The following GALNT13 variants were observed in gnomAD, a reference collection of about 807,000 sequenced individuals.
GALNT13 encodes UDP-GalNAc:polypeptide N-acetylgalactosaminyltransferase 13.
A neutral mutation model predicts 64.2 loss-of-function variants in GALNT13; 28 were observed. The observed-to-expected ratio is 0.44, with a 90% CI of 0.32 to 0.60. The LOEUF is 0.60. Among genes scored for constraint, GALNT13 ranks in the 20% least tolerant of loss-of-function variants. The pLI is 0.05. For synonymous variants in GALNT13, 214 were observed against 224.6 expected, an observed-to-expected ratio of 0.95 and a Z score of 0.42; for missense variants, 577 against 669.8, an observed-to-expected ratio of 0.86 and a Z score of 1.53.
the GALNT13 span, among the ~76,000 whole-genome samples, chr2:153,150,794 A>G: frequency 1.3e-5 from 2 of 151,824 alleles, no homozygotes; most frequent in Non-Finnish European, 2.9e-5. Context: ...GATATGCGGC[A>G]TTATTTCTGA....
the GALNT13 span, among the ~76,000 whole-genome samples, chr2:153,501,490 C>G: frequency 1.3e-5 from 2 of 152,068 alleles, no homozygotes; most frequent in African/African-American, 4.8e-5. Context: ...AACCACCATG[C>G]CCGGTTAATT....
intron 8 of GALNT13, chr2:154,287,080 A>T: frequency 3.6e-6 from 3 of 823,448 alleles, no homozygotes; most frequent in Non-Finnish European, 6.2e-6. Flanking sequence ...TCATCCACCC[A>T]CCTTTGGGCA....
At chr2:153,174,625 T>C in the GALNT13 span, among the ~76,000 whole-genome samples, 9,133 of 152,260 alleles carry the variant, frequency 0.06, 312 homozygotes, top group East Asian at 0.099. Flanking sequence ...TTCAGCACTT[T>C]GCTTAGAAAT....
chr2:154,132,080 G>A (rs1321896922), intron 3 of GALNT13, among the ~76,000 whole-genome samples: 2 of 152,126 alleles, frequency 1.3e-5, no homozygotes, highest in Non-Finnish European at 2.9e-5. Flanking sequence ...TGCCCACCCA[G>A]ATTGAGGGTG....
intron 3 of GALNT13, among the ~76,000 whole-genome samples, chr2:154,011,027 C>G (rs1696598975): frequency 6.6e-6 from 1 of 151,624 alleles, no homozygotes; most frequent in South Asian, 2.1e-4. Context: ...GTCTAGCAAT[C>G]TTATTTATTC....
chr2:153,899,135 A>G (rs1688067999), intron 1 of GALNT13, among the ~76,000 whole-genome samples: 1 of 152,208 alleles, frequency 6.6e-6, no homozygotes, highest in Non-Finnish European at 1.5e-5. Flanking sequence ...AACGAAATGT[A>G]TCAGTAAGCC....
At chr2:154,310,417 A>G (rs940827585) in intron 9 of GALNT13, among the ~76,000 whole-genome samples, 3 of 152,176 alleles carry the variant, frequency 2.0e-5, no homozygotes, top group Non-Finnish European at 4.4e-5. Context: ...ATGCATTTAC[A>G]TACATATACA....
At chr2:153,757,551 G>A in the GALNT13 span, among the ~76,000 whole-genome samples, 25,210 of 151,860 alleles carry the variant, frequency 0.17, 2,759 homozygotes, top group Non-Finnish European at 0.24. Flanking sequence ...CTTTTTTCAG[G>A]AGCCTCCATA....
At chr2:153,230,142 G>T in the GALNT13 span, among the ~76,000 whole-genome samples, 4 of 152,332 alleles carry the variant, frequency 2.6e-5, no homozygotes, top group South Asian at 2.1e-4. Flanking sequence ...GCAATAAATT[G>T]TCTGGCCTGC....
At chr2:153,504,519 T>G in the GALNT13 span, among the ~76,000 whole-genome samples, 1 of 152,324 alleles carries the variant, frequency 6.6e-6, no homozygotes, top group East Asian at 1.9e-4. Flanking sequence ...TGGTTGTGGG[T>G]TTGTCATAGA....
At chr2:154,346,698 T>C (rs1696088600) in intron 9 of GALNT13, among the ~76,000 whole-genome samples, 1 of 152,108 alleles carries the variant, frequency 6.6e-6, no homozygotes, top group Non-Finnish European at 1.5e-5. Flanking sequence ...GTCTCAGATA[T>C]GTCTTTATTA....
chr2:153,294,197 A>T, the GALNT13 span, among the ~76,000 whole-genome samples: 1 of 152,016 alleles, frequency 6.6e-6, no homozygotes, highest in Non-Finnish European at 1.5e-5. Context: ...TGGAGGAGAT[A>T]TTTGGAGTTT....
At chr2:154,272,101 A>G (rs1190412158) in intron 8 of GALNT13, among the ~76,000 whole-genome samples, 2 of 152,114 alleles carry the variant, frequency 1.3e-5, no homozygotes, top group East Asian at 1.9e-4. Context: ...AAAGAAGTGA[A>G]TGATATTTTA....
At chr2:153,541,299 A>G in the GALNT13 span, among the ~76,000 whole-genome samples, 3 of 152,052 alleles carry the variant, frequency 2.0e-5, no homozygotes, top group Admixed American at 1.3e-4. Flanking sequence ...TTCTGCCATG[A>G]TTGTAAGTTT....
the GALNT13 span, among the ~76,000 whole-genome samples, chr2:153,434,868 CA>C: frequency 6.6e-6 from 1 of 151,972 alleles, no homozygotes; most frequent in Non-Finnish European, 1.5e-5. Flanking sequence ...CTTTTGTTGC[CA>C]TTGCTTTTGG....
the GALNT13 span, among the ~76,000 whole-genome samples, chr2:153,301,519 T>A: frequency 6.6e-6 from 1 of 152,132 alleles, no homozygotes; most frequent in African/African-American, 2.4e-5. Flanking sequence ...TATTACCTTA[T>A]ATATTTATTA....
intron 4 of GALNT13, among the ~76,000 whole-genome samples, chr2:154,156,663 C>G (rs1179539674): frequency 3.3e-5 from 5 of 152,074 alleles, no homozygotes; most frequent in Non-Finnish European, 1.5e-5. Context: ...TGAAGTAAGG[C>G]TGTCTAATTC....
intron 4 of GALNT13, among the ~76,000 whole-genome samples, chr2:154,155,804 T>C (rs1445007327): frequency 6.6e-6 from 1 of 151,958 alleles, no homozygotes; most frequent in Non-Finnish European, 1.5e-5. Flanking sequence ...GCTATGTAAT[T>C]TTGTTCATTA....
chr2:153,553,837 G>C, the GALNT13 span, among the ~76,000 whole-genome samples: 3 of 152,090 alleles, frequency 2.0e-5, no homozygotes, highest in African/African-American at 4.8e-5. Context: ...GGCAGCTGAA[G>C]GGAGTTTCCA....
Sources: allele counts gnomAD v4.1 joint callset (sites outside exome capture counted in the v4.1 genomes callset), GRCh38; gene constraint gnomAD v4.1.1; transcripts MANE v1.5; gene names NCBI Gene and HGNC (gene_info 2026-07-23, HGNC 2026-07-21).